Variants in ERI1 observed in about 807,000 individuals in gnomAD.
The protein encoded by ERI1 is 3'-5' exoribonuclease 1.
A neutral mutation model predicts 39.7 loss-of-function variants in ERI1; 39 were observed. The ratio of observed to expected loss-of-function variants is 0.98; its 90% CI spans 0.76 to 1.28. ERI1 has a LOEUF of 1.28. ERI1 is among the 50% of genes most tolerant of loss of function. ERI1 has a pLI of 0.00. For synonymous variants in ERI1, 204 were observed against 149.6 expected (o/e 1.36, Z -2.65); for missense variants, 581 against 416.9 (o/e 1.39, Z -3.43).
At chr8:9,018,065 A>G (rs969403984) in intron 4 of ERI1, among the ~76,000 whole-genome samples, 2 of 152,192 alleles carry the variant, frequency 1.3e-5, no homozygotes, top group African/African-American at 4.8e-5. Flanking sequence ...TTAAATCTTA[A>G]TTTTGGGAGG....
At chr8:9,015,548 C>G (rs552339519) in intron 3 of ERI1, among the ~76,000 whole-genome samples, 1 of 151,884 alleles carries the variant, frequency 6.6e-6, no homozygotes, top group East Asian at 1.9e-4. Context: ...TGGTGAAACC[C>G]AGTCTCTACT....
chr8:9,097,537 C>T lies in ERI1; in HGVS notation n.300-18811C>T, dbSNP rs576190108. ...TACAAAAATTAGCCAGACACGGTGGCGTGCGCCTGTAGTCCCAGCTACGCA... is the reference window on the plus strand; with the variant it reads ...TACAAAAATTAGCCAGACACGGTGGTGTGCGCCTGTAGTCCCAGCTACGCA... On this transcript the variant is annotated intron_variant and non_coding_transcript_variant, in intron 3 of 3. Transcript: ENST00000518663. 9.2e-5 allele frequency among the ~76,000 whole-genome samples: 14 copies of T among 152,122 alleles called. No homozygotes were observed. In the South Asian group the frequency reaches 1.2e-3, roughly 14 times the overall value.
chr8:9,073,544 A>G (rs73662290), intron 3 of ERI1, among the ~76,000 whole-genome samples: 2,627 of 152,312 alleles, frequency 0.017, 79 homozygotes, highest in African/African-American at 0.06. Context: ...ATTTTTAACC[A>G]TTCCATATTC....
At chr8:9,009,137 A>T in intron 2 of ERI1, 1 of 454,660 alleles carries the variant, frequency 2.2e-6, no homozygotes, top group South Asian at 1.6e-5. Flanking sequence ...AGCGATCTAG[A>T]TGTATGTTTA....
chr8:9,054,592 G>A (rs1798450591), intron 3 of ERI1, among the ~76,000 whole-genome samples: 1 of 152,216 alleles, frequency 6.6e-6, no homozygotes, highest in South Asian at 2.1e-4. Flanking sequence ...AACTATCCGT[G>A]TTTACATTTA....
intron 3 of ERI1, among the ~76,000 whole-genome samples, chr8:9,067,636 C>A (rs981652622): frequency 8.1e-5 from 11 of 136,260 alleles, no homozygotes; most frequent in Admixed American, 2.5e-4. Flanking sequence ...GGCTGAGCAA[C>A]AGAGTGAGAA....
intron 3 of ERI1, among the ~76,000 whole-genome samples, chr8:9,050,122 G>A (rs1391990089): frequency 2.0e-5 from 3 of 151,114 alleles, no homozygotes; most frequent in Middle Eastern, 3.4e-3. Context: ...AAGTGAGGTA[G>A]AATATATATA....
At chr8:9,033,521 CAACA>C (rs1797731035), downstream of ERI1, among the ~76,000 whole-genome samples, 1 of 152,060 alleles carries the variant, frequency 6.6e-6, no homozygotes. Flanking sequence ...TAAGTTCCAT[CAACA>C]AACAAGAAAT....
At chr8:9,050,377 C>G (rs574439358) in intron 3 of ERI1, among the ~76,000 whole-genome samples, 20 of 152,102 alleles carry the variant, frequency 1.3e-4, no homozygotes, top group African/African-American at 4.6e-4. Flanking sequence ...CGTGGTGGCA[C>G]ATGCCTGTAA....
intron 6 of ERI1, among the ~76,000 whole-genome samples, chr8:9,023,144 G>A (rs1437814426): frequency 6.6e-6 from 1 of 152,098 alleles, no homozygotes; most frequent in African/African-American, 2.4e-5. Flanking sequence ...TGTTTGGTAT[G>A]TTAATACATC....
chr8:9,058,780 T>C (rs1197026287), intron 3 of ERI1, among the ~76,000 whole-genome samples: 1 of 152,106 alleles, frequency 6.6e-6, no homozygotes, highest in Non-Finnish European at 1.5e-5. Flanking sequence ...TTGGACAACA[T>C]TGTTTCACAC....
Position 9,020,334 on chromosome 8 carries a change from C to T in ERI1, c.693-16C>T, listed in dbSNP as rs770765390. 62 of 1,468,738 alleles carry T rather than the reference C, an allele frequency of 4.2e-5. No homozygotes were observed. The highest frequency in any genetic ancestry group is 2.3e-5 in the Admixed American group (1 of 43,674). 91.0% of individuals were successfully genotyped at this position (1,468,738 alleles called of 1,614,324 possible). A position where few individuals can be genotyped will look rare whatever the true frequency, so the allele number is the denominator to read the frequency against. ...GCGTTTATTTCATCAATTTTTTGTCCTTTTTTAATTTATAGTTCTTGGGAT... is the reference window on the plus strand; with the variant it reads ...GCGTTTATTTCATCAATTTTTTGTCTTTTTTTAATTTATAGTTCTTGGGAT... On this transcript the variant is annotated splice_polypyrimidine_tract_variant and intron_variant, in intron 5 of 6. Coordinates refer to ENST00000250263, the MANE Select transcript of ERI1 (RefSeq NM_153332.4).
intron 6 of ERI1, among the ~76,000 whole-genome samples, chr8:9,026,024 G>C (rs1307736151): frequency 6.6e-6 from 1 of 152,090 alleles, no homozygotes; most frequent in Non-Finnish European, 1.5e-5. Context: ...CAGTCTGGTT[G>C]TTTGGCATCA....
At position 9,030,157 on chromosome 8, in the gene ERI1, A is replaced by G. The variant is rs1260851452; in HGVS notation, c.*123A>G. Reference sequence around the variant, plus strand: ...CTTAAAACATTTAAAATCTTATTACAGGTGATAGAGATAGATACATGTATG... The same window carrying G: ...CTTAAAACATTTAAAATCTTATTACGGGTGATAGAGATAGATACATGTATG... On this transcript the variant is annotated 3_prime_UTR_variant, in exon 7 of 7. Coordinates refer to ENST00000250263, the MANE Select transcript of ERI1 (RefSeq NM_153332.4). The G allele has an allele frequency of 3.2e-6, 4 of 1,269,280 alleles. No homozygotes were observed. Among genetic ancestry groups the G allele is most frequent in the African/African-American group, 3.0e-5 (2 of 67,220 alleles). 78.6% of individuals were successfully genotyped at this position (1,269,280 alleles called of 1,614,324 possible).
At chr8:9,043,507 C>G (rs540583014) in intron 3 of ERI1, among the ~76,000 whole-genome samples, 1 of 152,288 alleles carries the variant, frequency 6.6e-6, no homozygotes, top group African/African-American at 2.4e-5. Context: ...AAGATGGAGA[C>G]AATTGTGGAG....
intron 2 of ERI1, among the ~76,000 whole-genome samples, chr8:9,011,172 A>G (rs1305572373): frequency 3.9e-5 from 6 of 152,182 alleles, no homozygotes; most frequent in Admixed American, 3.9e-4. Flanking sequence ...GAATAATTTT[A>G]TATTAATTTC....
rs186098861 is a variant in ERI1, at chr8:9,026,605, G to T, written c.808-3187G>T. Among the ~76,000 whole-genome samples, 206 of 152,130 alleles carry T rather than the reference G, an allele frequency of 1.4e-3. 1 individual carries two copies. Among genetic ancestry groups the T allele is most frequent in the Admixed American group, 3.2e-3 (49 of 15,280 alleles). On this transcript the variant is annotated intron_variant, in intron 6 of 6. Coordinates refer to ENST00000250263, the MANE Select transcript of ERI1 (RefSeq NM_153332.4). ...ATAAGAATTCATTGTATGTATTTAC[G>T]GGCTGAGTATACCTAATCCAAAAAT... is the stretch of plus-strand genomic sequence containing the variant.
At chr8:9,070,615 C>G (rs576129043) in intron 3 of ERI1, among the ~76,000 whole-genome samples, 1 of 152,210 alleles carries the variant, frequency 6.6e-6, no homozygotes, top group African/African-American at 2.4e-5. Context: ...TATTCACCCA[C>G]GGAACATTCC....
downstream of ERI1, among the ~76,000 whole-genome samples, chr8:9,036,152 TTAGAA>T (rs1336569636): frequency 2.0e-5 from 3 of 152,232 alleles, no homozygotes; most frequent in Admixed American, 2.0e-4. Flanking sequence ...AGCAAAGGAT[TTAGAA>T]TATTACATAA....
Sources: gnomAD v4.1 joint callset for allele counts (sites outside exome capture counted in the v4.1 genomes callset) on GRCh38, gnomAD v4.1.1 for gene constraint, MANE v1.5 for transcripts, NCBI Gene and HGNC (gene_info 2026-07-23, HGNC 2026-07-21) for gene names.